Variants in CDC73 observed in about 807,000 individuals in gnomAD.
CDC73 encodes the protein parafibromin.
CDC73 carries 21 observed loss-of-function variants against 83.7 expected under a neutral mutation model. The ratio of observed to expected loss-of-function variants is 0.25; its 90% CI spans 0.18 to 0.36. CDC73 has a LOEUF of 0.36. Among genes scored for constraint, CDC73 ranks in the 10% least tolerant of loss-of-function variants. The pLI, the probability that CDC73 is intolerant of heterozygous loss-of-function variation, is 1.00. For synonymous variants in CDC73, 224 were observed against 212.9 expected (o/e 1.05, Z -0.45); for missense variants, 342 against 653.3 (o/e 0.52, Z 5.19).
chr1:193,127,199 A>G (rs1407330100), intron 2 of CDC73, among the ~76,000 whole-genome samples: 1 of 151,854 alleles, frequency 6.6e-6, no homozygotes, highest in Non-Finnish European at 1.5e-5. Flanking sequence ...ACTTGGGCCC[A>G]GGAGGTTGAG....
chr1:193,188,112 A>G (rs947761644), intron 10 of CDC73, among the ~76,000 whole-genome samples: 11 of 152,236 alleles, frequency 7.2e-5, no homozygotes, highest in Admixed American at 4.6e-4. Context: ...GGATTTGACT[A>G]TGAAGCTAGC....
intron 6 of CDC73, among the ~76,000 whole-genome samples, 200 bp from the exon 7 acceptor site, chr1:193,141,650 T>C (rs1437727678): frequency 6.6e-6 from 1 of 152,210 alleles, no homozygotes; most frequent in East Asian, 1.9e-4. Context: ...ACTAATTTGC[T>C]CTTAGAGTAA....
At chr1:193,183,950 A>G (rs1676763434) in intron 10 of CDC73, among the ~76,000 whole-genome samples, 1 of 151,914 alleles carries the variant, frequency 6.6e-6, no homozygotes, top group African/African-American at 2.4e-5. Context: ...GAGTAAATAA[A>G]TGATGGAAAA....
intron 10 of CDC73, among the ~76,000 whole-genome samples, chr1:193,196,209 G>T (rs1338271963): frequency 6.6e-6 from 1 of 152,106 alleles, no homozygotes; most frequent in Non-Finnish European, 1.5e-5. Flanking sequence ...TTTGCGTGTG[G>T]CTATCCAGTT....
chr1:193,213,813 G>A (rs1478522819), intron 13 of CDC73, among the ~76,000 whole-genome samples: 2 of 152,130 alleles, frequency 1.3e-5, no homozygotes, highest in African/African-American at 4.8e-5. Flanking sequence ...TGATTGCTTT[G>A]CCAGGTGCTT....
At chr1:193,205,486 T>G (rs899318805) in intron 11 of CDC73, among the ~76,000 whole-genome samples, 2 of 152,170 alleles carry the variant, frequency 1.3e-5, no homozygotes, top group African/African-American at 4.8e-5. Context: ...TGTCTTGTAT[T>G]CATACTCCTC....
intron 10 of CDC73, among the ~76,000 whole-genome samples, chr1:193,178,187 A>C (rs1463220725): frequency 6.6e-6 from 1 of 152,092 alleles, no homozygotes; most frequent in Admixed American, 6.5e-5. Context: ...TAAAGTAAGG[A>C]TTTTCAACAG....
At chr1:193,190,989 A>G (rs1676908889) in intron 10 of CDC73, among the ~76,000 whole-genome samples, 1 of 152,162 alleles carries the variant, frequency 6.6e-6, no homozygotes, top group African/African-American at 2.4e-5. Context: ...GTAAACAGCA[A>G]AGACTAGCTC....
chr1:193,211,145 G>A (rs1454588335), intron 11 of CDC73, among the ~76,000 whole-genome samples: 2 of 152,032 alleles, frequency 1.3e-5, no homozygotes, highest in Non-Finnish European at 2.9e-5. Context: ...TTACTAGCAG[G>A]GCATACATTC....
At chr1:193,177,310 C>G (rs1203434014) in intron 10 of CDC73, among the ~76,000 whole-genome samples, 1 of 132,674 alleles carries the variant, frequency 7.5e-6, no homozygotes. Context: ...GTCAGGAGAT[C>G]GAGACCGTCC....
intron 5 of CDC73, among the ~76,000 whole-genome samples, chr1:193,135,923 C>T (rs1298417240): frequency 6.7e-6 from 1 of 148,770 alleles, no homozygotes; most frequent in Non-Finnish European, 1.5e-5. Flanking sequence ...GGCTGGAGTC[C>T]AGTGGTATGA....
chr1:193,216,934 T>A (rs1377704801), intron 13 of CDC73, among the ~76,000 whole-genome samples: 2 of 152,034 alleles, frequency 1.3e-5, no homozygotes, highest in African/African-American at 4.8e-5. Flanking sequence ...CAAAGGAACA[T>A]ACCTCAAACT....
chr1:193,153,365 A>G (rs563330181), intron 10 of CDC73, among the ~76,000 whole-genome samples: 2 of 152,216 alleles, frequency 1.3e-5, no homozygotes, highest in Admixed American at 6.5e-5. Flanking sequence ...TACCTTTTAT[A>G]CTTTTATTTA....
chr1:193,198,279 T>C (rs1413669137), intron 10 of CDC73, among the ~76,000 whole-genome samples: 1 of 152,210 alleles, frequency 6.6e-6, no homozygotes, highest in Non-Finnish European at 1.5e-5. Context: ...AATTTGTGTG[T>C]TGAAAATTAA....
intron 10 of CDC73, among the ~76,000 whole-genome samples, chr1:193,190,879 T>G (rs1446165609): frequency 1.3e-5 from 2 of 152,148 alleles, no homozygotes; most frequent in East Asian, 3.8e-4. Context: ...TACGAGGTGT[T>G]CTAGAAGTTT....
At position 193,194,370 on chromosome 1, in the gene CDC73, A is replaced by G. The variant is rs117142531; in HGVS notation, c.973-9425A>G. 2.1e-4 allele frequency among the ~76,000 whole-genome samples: 32 copies of G among 152,310 alleles called. No homozygotes were observed. In the East Asian group the frequency reaches 4.8e-3, roughly 23 times the overall value. On this transcript the variant is annotated intron_variant, in intron 10 of 16. Transcript: ENST00000367435. Reference sequence around the variant, plus strand: ...AAGTTCCTCACTTTGTGGCAAGTCAAAGCTGGAACATAGCTCTTAAGACTT... The same window carrying G: ...AAGTTCCTCACTTTGTGGCAAGTCAGAGCTGGAACATAGCTCTTAAGACTT...
intron 13 of CDC73, among the ~76,000 whole-genome samples, chr1:193,224,308 TGTTA>T (rs1160832506): frequency 6.6e-6 from 1 of 151,462 alleles, no homozygotes; most frequent in Non-Finnish European, 1.5e-5. Context: ...GGTCATAATT[TGTTA>T]GTGTTTACTC....
Position 193,250,658 on chromosome 1 carries a change from C to A in CDC73, c.1560-18C>A, listed in dbSNP as rs925676253. ...AAATTCCTATAGTCATTATAACCTA[C>A]CATAATATTTTTTTCAGGTACATGG... On this transcript the variant is annotated intron_variant, in intron 16 of 16. Transcript: ENST00000367435. 1 of 1,579,948 alleles carries A rather than the reference C, an allele frequency of 6.3e-7. No individual in the cohort carries two copies. Among genetic ancestry groups the A allele is most frequent in the Admixed American group, 1.7e-5 (1 of 59,678 alleles).
chr1:193,128,621 A>G (rs1558279426), intron 2 of CDC73, among the ~76,000 whole-genome samples: 1 of 152,176 alleles, frequency 6.6e-6, no homozygotes, highest in South Asian at 2.1e-4. Context: ...GGTTTAAAAG[A>G]ATACAAGCAC....
Sources: gnomAD v4.1 joint callset for allele counts (sites outside exome capture counted in the v4.1 genomes callset) on GRCh38, gnomAD v4.1.1 for gene constraint, MANE v1.5 for transcripts, NCBI Gene and HGNC (gene_info 2026-07-23, HGNC 2026-07-21) for gene names.